CLTCL1: variants seen among roughly 807,000 people sequenced by gnomAD.
The protein encoded by CLTCL1 is clathrin heavy chain 2.
In CLTCL1, 159 loss-of-function variants were observed where a neutral mutation model predicts 190.0. The observed-to-expected ratio is 0.84, with a 90% CI of 0.74 to 0.95. The LOEUF is 0.95. Among genes scored for constraint, CLTCL1 ranks in the 40% least tolerant of loss-of-function variants. CLTCL1 has a pLI of 0.00. For synonymous variants in CLTCL1, 752 were observed against 769.6 expected (o/e 0.98, Z 0.38); for missense variants, 1,878 against 2,033.4 (o/e 0.92, Z 1.47).
At chr22:19,192,344 C>T (rs374956041) in intron 26 of CLTCL1, among the ~76,000 whole-genome samples, 148 of 152,268 alleles carry the variant, frequency 9.7e-4, no homozygotes, top group African/African-American at 3.5e-3. Flanking sequence ...GGATTACAGG[C>T]GTGAGCCACC....
intron 1 of CLTCL1, among the ~76,000 whole-genome samples, chr22:19,288,057 G>A (rs1393365370): frequency 1.3e-5 from 2 of 152,124 alleles, no homozygotes; most frequent in African/African-American, 2.4e-5. Flanking sequence ...TCTTGCACCA[G>A]CCCACCCAGG....
intron 22 of CLTCL1, among the ~76,000 whole-genome samples, chr22:19,204,750 G>A (rs1452782843): frequency 5.9e-5 from 9 of 152,236 alleles, no homozygotes. Flanking sequence ...GTTGCAGTCA[G>A]CAGATGCCAG....
chr22:19,258,829 T>C (rs2086850716), intron 2 of CLTCL1: 5 of 639,888 alleles, frequency 7.8e-6, no homozygotes, highest in African/African-American at 1.8e-5. Flanking sequence ...AGGGTACCCT[T>C]TGGGGAGCAG....
chr22:19,252,536 C>G (rs1307891630), intron 3 of CLTCL1, among the ~76,000 whole-genome samples: 1 of 152,192 alleles, frequency 6.6e-6, no homozygotes, highest in South Asian at 2.1e-4. Context: ...TCTCTCATGG[C>G]TCCCACAGTA....
At chr22:19,281,204 A>T (rs1464989496) in intron 1 of CLTCL1, among the ~76,000 whole-genome samples, 2 of 151,330 alleles carry the variant, frequency 1.3e-5, no homozygotes, top group Non-Finnish European at 2.9e-5. Context: ...CTGAGGCAGG[A>T]GAATGGCGTG....
intron 14 of CLTCL1, 104 bp downstream of exon 14, chr22:19,223,787 G>T: frequency 7.3e-7 from 1 of 1,367,086 alleles, no homozygotes. Context: ...GGGGTCCCTG[G>T]CGAGACAGAT....
intron 1 of CLTCL1, among the ~76,000 whole-genome samples, chr22:19,283,637 A>T (rs1395480814): frequency 6.6e-6 from 1 of 152,124 alleles, no homozygotes; most frequent in Non-Finnish European, 1.5e-5. Flanking sequence ...GGTAAAGAAG[A>T]TGCTGTCTAA....
intron 17 of CLTCL1, 37 bp from the exon 18 acceptor site, chr22:19,220,044 C>T: frequency 6.2e-7 from 1 of 1,612,826 alleles, no homozygotes; most frequent in East Asian, 2.2e-5. Flanking sequence ...ACACAGCAGC[C>T]AACCAGCGGA....
At position 19,221,538 on chromosome 22, in the gene CLTCL1, G is replaced by C; in HGVS notation, c.2635C>G (p.Leu879Val). Residue 879 changes from leucine (L) to valine (V), a missense_variant, in exon 17 of 33, where the codon CTG becomes GTG. By Grantham distance (32) the Leu-to-Val change is conservative. Transcript: ENST00000427926. ...GCEEPATHNA[L>V]AKIYIDSNNS... is the part of the protein sequence containing the mutation. ...TTGCTGTCGATGTAGATTTTAGCCAGTGCATTGTGAGTGGCAGGCTCCTCA... is the reference window on the plus strand; with the variant it reads ...TTGCTGTCGATGTAGATTTTAGCCACTGCATTGTGAGTGGCAGGCTCCTCA... 6.2e-7 allele frequency: 1 copy of C among 1,606,204 alleles called. No individual in the cohort carries two copies. The highest frequency in any genetic ancestry group is 8.5e-7 in the Non-Finnish European group (1 of 1,176,288).
intron 1 of CLTCL1, among the ~76,000 whole-genome samples, chr22:19,278,154 G>A (rs1400699793): frequency 4.6e-5 from 7 of 151,694 alleles, no homozygotes; most frequent in Non-Finnish European, 8.8e-5. Context: ...TGGAGCTCCC[G>A]ACATCTATCT....
At chr22:19,234,897 A>T (rs2086031528) in intron 6 of CLTCL1, among the ~76,000 whole-genome samples, 191 bp from the exon 7 acceptor site, 1 of 152,152 alleles carries the variant, frequency 6.6e-6, no homozygotes, top group South Asian at 2.1e-4. Context: ...ACAGAACAGC[A>T]TAGGAGTCTA....
At chr22:19,256,239 C>T (rs2086745249) in intron 2 of CLTCL1, among the ~76,000 whole-genome samples, 1 of 151,968 alleles carries the variant, frequency 6.6e-6, no homozygotes. Context: ...CTCATTGCAA[C>T]CTCAAATTCC....
intron 26 of CLTCL1, among the ~76,000 whole-genome samples, chr22:19,192,619 C>T (rs1347918042): frequency 3.9e-5 from 6 of 152,158 alleles, no homozygotes; most frequent in South Asian, 4.1e-4. Flanking sequence ...ATGTGGGGCC[C>T]GATGGGGTCT....
chr22:19,195,990 G>A, intron 26 of CLTCL1, among the ~76,000 whole-genome samples: 1 of 152,250 alleles, frequency 6.6e-6, no homozygotes, highest in East Asian at 1.9e-4. Flanking sequence ...GGGCGGGCAG[G>A]CAGGGCCACA....
chr22:19,216,862 C>T (rs1555949743), intron 18 of CLTCL1, among the ~76,000 whole-genome samples: 2 of 152,242 alleles, frequency 1.3e-5, no homozygotes, highest in Non-Finnish European at 1.5e-5. Flanking sequence ...GGAACGCCAG[C>T]ACTGTTCTCT....
chr22:19,216,633 G>C (rs1365071389), intron 18 of CLTCL1, among the ~76,000 whole-genome samples: 1 of 152,212 alleles, frequency 6.6e-6, no homozygotes, highest in African/African-American at 2.4e-5. Context: ...TACTAGAAGA[G>C]AGCACTGCCA....
chr22:19,247,392 T>C (rs936479838), intron 3 of CLTCL1, among the ~76,000 whole-genome samples: 4 of 152,246 alleles, frequency 2.6e-5, no homozygotes, highest in Admixed American at 1.3e-4. Flanking sequence ...TTGTTGTTGG[T>C]AAATGCATGG....
rs553092378 is a variant in CLTCL1 at position 19,199,802 on chromosome 22, C to T, written c.3805G>A (p.Ala1269Thr). Residue 1269 changes from alanine (A) to threonine (T), a missense_variant, in exon 24 of 33, where the codon GCA becomes ACA. By Grantham distance (58) the Ala-to-Thr change is moderately conservative. Coordinates refer to ENST00000427926, the MANE Select transcript of CLTCL1 (RefSeq NM_007098.4). ...ACMDGQEFRF[A>T]QLCGLHIVIH... ...ACGATGTGAAGACCACACAGCTGTGCGAAGCGGAACTCTTGTCCATCCATG... is the reference window on the plus strand; with the variant it reads ...ACGATGTGAAGACCACACAGCTGTGTGAAGCGGAACTCTTGTCCATCCATG... The T allele has an allele frequency of 4.4e-6, 7 of 1,598,080 alleles. No homozygotes were observed. The highest frequency in any genetic ancestry group is 1.3e-5 in the African/African-American group (1 of 74,610).
intron 3 of CLTCL1, among the ~76,000 whole-genome samples, chr22:19,253,123 CT>C (rs1378843897): frequency 8.6e-5 from 13 of 151,598 alleles, no homozygotes; most frequent in African/African-American, 2.9e-4. Flanking sequence ...AGAACTACTT[CT>C]TTTTTTTCCC....
Sources: gnomAD v4.1 joint callset for allele counts (sites outside exome capture counted in the v4.1 genomes callset) on GRCh38, gnomAD v4.1.1 for gene constraint, MANE v1.5 for transcripts, NCBI Gene and HGNC (gene_info 2026-07-23, HGNC 2026-07-21) for gene names.